The following PGGT1B variants were observed in gnomAD, a reference collection of about 807,000 sequenced individuals.
The protein encoded by PGGT1B is geranylgeranyl transferase type-1 subunit beta.
PGGT1B carries 30 observed loss-of-function variants against 46.1 expected under a neutral mutation model. The ratio of observed to expected loss-of-function variants is 0.65; its 90% CI spans 0.49 to 0.88. PGGT1B has a LOEUF of 0.88. PGGT1B is among the 40% of genes least tolerant of loss of function. PGGT1B has a pLI of 0.00. For synonymous variants in PGGT1B, 170 were observed against 160.0 expected, an observed-to-expected ratio of 1.06 and a Z score of -0.47; for missense variants, 376 against 455.9, an observed-to-expected ratio of 0.82 and a Z score of 1.60.
At chr5:115,212,761 C>T (rs1756274575) in intron 8 of PGGT1B, among the ~76,000 whole-genome samples, 178 bp from the exon 9 acceptor site, 1 of 151,430 alleles carries the variant, frequency 6.6e-6, no homozygotes, top group African/African-American at 2.4e-5. Flanking sequence ...AAAAAAAAAA[C>T]TCAGATGATC....
chr5:115,227,372 G>C (rs1756821328), intron 6 of PGGT1B, among the ~76,000 whole-genome samples: 3 of 152,200 alleles, frequency 2.0e-5, no homozygotes, highest in African/African-American at 4.8e-5. Flanking sequence ...TGGAAGTCAA[G>C]TAACACTCAT....
chr5:115,246,345 T>C (rs2910012), intron 2 of PGGT1B, among the ~76,000 whole-genome samples: 14,706 of 149,102 alleles, frequency 0.099, 978 homozygotes, highest in East Asian at 0.31. Context: ...GACAGAATGA[T>C]ACTCCATTTC....
chr5:115,258,951 A>C (rs1014003081), intron 1 of PGGT1B, among the ~76,000 whole-genome samples: 3 of 152,180 alleles, frequency 2.0e-5, no homozygotes, highest in Admixed American at 2.0e-4. Flanking sequence ...CAGTTCCCAT[A>C]AAGTAAATTT....
At chr5:115,238,201 C>A (rs1184997354) in intron 3 of PGGT1B, among the ~76,000 whole-genome samples, 192 bp from the exon 4 acceptor site, 1 of 147,944 alleles carries the variant, frequency 6.8e-6, no homozygotes, top group Non-Finnish European at 1.5e-5. Context: ...GCACAGGCTA[C>A]TTAATCTTTA....
At chr5:115,249,242 A>G (rs1459772656) in intron 2 of PGGT1B, among the ~76,000 whole-genome samples, 1 of 151,900 alleles carries the variant, frequency 6.6e-6, no homozygotes, top group East Asian at 1.9e-4. Context: ...TTTTAAATTT[A>G]TCATTTAATC....
intron 5 of PGGT1B, among the ~76,000 whole-genome samples, chr5:115,235,145 A>G (rs1156430635): frequency 6.6e-6 from 1 of 151,996 alleles, no homozygotes; most frequent in Non-Finnish European, 1.5e-5. Context: ...TCAAAAGGGC[A>G]TAGAGCCTAC....
At chr5:115,246,949 A>G (rs1747877098) in intron 2 of PGGT1B, among the ~76,000 whole-genome samples, 2 of 152,204 alleles carry the variant, frequency 1.3e-5, no homozygotes, top group African/African-American at 2.4e-5. Context: ...GGGAGTATGT[A>G]CATGGATGTA....
chr5:115,253,794 C>G (rs1177092316), intron 1 of PGGT1B, among the ~76,000 whole-genome samples: 1 of 151,998 alleles, frequency 6.6e-6, no homozygotes, highest in Non-Finnish European at 1.5e-5. Context: ...TACTTACACT[C>G]TATTTTCCCA....
Position 115,205,946 on chromosome 5 carries a change from C to T in PGGT1B, c.*6456G>A, listed in dbSNP as rs1170132304. 1.6e-5 allele frequency: 2 copies of T among 123,606 alleles called. No individual in the cohort carries two copies. The highest frequency in any genetic ancestry group is 3.4e-5 in the Non-Finnish European group (2 of 58,418). 7.7% of individuals were successfully genotyped at this position (123,606 alleles called of 1,614,324 possible). A position where few individuals can be genotyped will look rare whatever the true frequency, so the allele number is the denominator to read the frequency against. Reference sequence around the variant, plus strand: ...AAAATAAGGCACTGATTAATCAGTGCCTCATTTGCCATTAAAATGGTAAAA... The same window carrying T: ...AAAATAAGGCACTGATTAATCAGTGTCTCATTTGCCATTAAAATGGTAAAA... On this transcript the variant is annotated 3_prime_UTR_variant, in exon 9 of 9. Transcript: ENST00000419445.
intron 3 of PGGT1B, 61 bp from the exon 4 acceptor site, chr5:115,238,070 G>A: frequency 1.7e-6 from 2 of 1,202,320 alleles, no homozygotes; most frequent in Non-Finnish European, 2.4e-6. Flanking sequence ...ATTTCATTAA[G>A]AAATCTGACA....
chr5:115,216,017 AG>A (rs1756406351), intron 8 of PGGT1B, among the ~76,000 whole-genome samples: 1 of 152,158 alleles, frequency 6.6e-6, no homozygotes, highest in Non-Finnish European at 1.5e-5. Context: ...GTGGGAGAGG[AG>A]CCAAATTTTG....
intron 1 of PGGT1B, among the ~76,000 whole-genome samples, chr5:115,254,384 A>C (rs933743615): frequency 1.3e-5 from 2 of 152,110 alleles, no homozygotes; most frequent in Non-Finnish European, 2.9e-5. Context: ...TTTAAATTTC[A>C]TATACATCTT....
Position 115,210,028 on chromosome 5 carries a change from T to A in PGGT1B, c.*2374A>T, listed in dbSNP as rs1484064984. ...TACCACTGTCAGCAAGATTTCTATATGAATTTAGATTAAATATAAATAACT... is the reference window on the plus strand; with the variant it reads ...TACCACTGTCAGCAAGATTTCTATAAGAATTTAGATTAAATATAAATAACT... On this transcript the variant is annotated 3_prime_UTR_variant, in exon 9 of 9. Transcript: ENST00000419445. The A allele has an allele frequency of 1.3e-5, 2 of 152,114 alleles. No homozygotes were observed. The highest frequency in any genetic ancestry group is 6.6e-5 in the Admixed American group (1 of 15,242). The allele number at this position is 152,114 out of a possible 1,614,324, so 9.4% of individuals were successfully genotyped here. A position where few individuals can be genotyped will look rare whatever the true frequency, so the allele number is the denominator to read the frequency against.
intron 5 of PGGT1B, among the ~76,000 whole-genome samples, chr5:115,234,741 A>G (rs1381468723): frequency 6.6e-6 from 1 of 152,064 alleles, no homozygotes. Flanking sequence ...TGTCACTATC[A>G]GAAATGGAGT....
intron 5 of PGGT1B, among the ~76,000 whole-genome samples, chr5:115,234,879 T>C (rs1757126192): frequency 6.6e-6 from 1 of 152,166 alleles, no homozygotes; most frequent in East Asian, 1.9e-4. Context: ...ATTCTGTGTG[T>C]CTGTAAGGGG....
chr5:115,227,068 G>C (rs146803369), intron 6 of PGGT1B, among the ~76,000 whole-genome samples: 167 of 152,184 alleles, frequency 1.1e-3, no homozygotes, highest in African/African-American at 3.7e-3. Flanking sequence ...TGCATGGAAG[G>C]GGTCACTCAG....
At chr5:115,240,445 T>C (rs1757313884) in intron 3 of PGGT1B, among the ~76,000 whole-genome samples, 1 of 152,192 alleles carries the variant, frequency 6.6e-6, no homozygotes, top group Non-Finnish European at 1.5e-5. Context: ...ATGAAGACAT[T>C]ACCTGTATTC....
intron 8 of PGGT1B, among the ~76,000 whole-genome samples, chr5:115,214,033 G>C (rs1298992769): frequency 2.0e-5 from 3 of 152,020 alleles, no homozygotes; most frequent in Non-Finnish European, 2.9e-5. Flanking sequence ...AAATAAACTT[G>C]ATTTCACCTG....
chr5:115,228,477 T>C (rs1275192831), intron 6 of PGGT1B, among the ~76,000 whole-genome samples: 3 of 152,154 alleles, frequency 2.0e-5, no homozygotes, highest in Admixed American at 6.6e-5. Flanking sequence ...GGGATGTGTA[T>C]GTGCAGTTGG....
Sources: allele counts gnomAD v4.1 joint callset (sites outside exome capture counted in the v4.1 genomes callset), GRCh38; gene constraint gnomAD v4.1.1; transcripts MANE v1.5; gene names NCBI Gene and HGNC (gene_info 2026-07-23, HGNC 2026-07-21).